Variants in PCCA observed in about 807,000 individuals in gnomAD.
PCCA encodes propionyl-CoA carboxylase subunit alpha.
In PCCA, 74 loss-of-function variants were observed where a neutral mutation model predicts 101.3. The observed-to-expected ratio is 0.73, with a 90% CI of 0.61 to 0.89. The LOEUF is 0.89. Among genes scored for constraint, PCCA ranks in the 40% least tolerant of loss-of-function variants. The probability of loss-of-function intolerance (pLI) is 0.00; values close to 1 mark genes in which losing one functional copy is unlikely to be tolerated. For synonymous variants in PCCA, 294 were observed against 313.6 expected, an observed-to-expected ratio of 0.94 and a Z score of 0.66; for missense variants, 891 against 907.0, an observed-to-expected ratio of 0.98 and a Z score of 0.23.
At chr13:100,489,303 G>A (rs1034122511) in intron 21 of PCCA, among the ~76,000 whole-genome samples, 4 of 148,120 alleles carry the variant, frequency 2.7e-5, no homozygotes, top group Non-Finnish European at 5.9e-5. Context: ...GCGAGACTCC[G>A]TCTCAAAAAA....
chr13:100,230,933 C>T (rs972017095), intron 7 of PCCA, among the ~76,000 whole-genome samples: 4 of 152,154 alleles, frequency 2.6e-5, no homozygotes, highest in African/African-American at 9.7e-5. Context: ...CATTTCCTTG[C>T]TCTGAGGCTA....
intron 9 of PCCA, among the ~76,000 whole-genome samples, chr13:100,258,620 G>A (rs938638095): frequency 6.6e-6 from 1 of 152,102 alleles, no homozygotes; most frequent in Admixed American, 6.6e-5. Flanking sequence ...GCTACTGTTA[G>A]TAACTTACTC....
chr13:100,330,018 G>A (rs182968733), intron 16 of PCCA, among the ~76,000 whole-genome samples: 106 of 152,240 alleles, frequency 7.0e-4, no homozygotes, highest in Non-Finnish European at 1.3e-3. Context: ...AATGAGTTGG[G>A]CTATGAAGTT....
rs1448005566 is a variant in PCCA, at chr13:100,111,967, A to G, written c.232-26A>G. ...CCCCTTTAAGTGTGAATCACTATTAATAGACATTAATATATTTTAAAATAG... is the reference window on the plus strand; with the variant it reads ...CCCCTTTAAGTGTGAATCACTATTAGTAGACATTAATATATTTTAAAATAG... On this transcript the variant is annotated intron_variant, in intron 3 of 23. Transcript: ENST00000376285. 2.5e-6 allele frequency: 4 copies of G among 1,578,512 alleles called. No homozygotes were observed. In the Admixed American group the frequency reaches 5.0e-5, roughly 20 times the overall value.
intron 17 of PCCA, among the ~76,000 whole-genome samples, chr13:100,333,667 T>C (rs1044724895): frequency 1.3e-5 from 2 of 152,216 alleles, no homozygotes; most frequent in African/African-American, 4.8e-5. Context: ...ATTTGGCCTA[T>C]AATGAACATT....
At chr13:100,262,887 C>T (rs2062626975) in intron 10 of PCCA, 56 bp downstream of exon 10, 4 of 768,934 alleles carry the variant, frequency 5.2e-6, no homozygotes, top group East Asian at 5.0e-5. Context: ...TCATTTAATC[C>T]TATTGGAATT....
chr13:100,135,496 T>C (rs1226054982), intron 4 of PCCA, among the ~76,000 whole-genome samples: 1 of 152,214 alleles, frequency 6.6e-6, no homozygotes, highest in African/African-American at 2.4e-5. Context: ...GTATGATTAA[T>C]GTTTGAATGT....
At chr13:100,361,367 C>A (rs2074569940) in intron 18 of PCCA, among the ~76,000 whole-genome samples, 1 of 151,922 alleles carries the variant, frequency 6.6e-6, no homozygotes. Flanking sequence ...TAGAGGAATT[C>A]ATGTGGGGGA....
intron 20 of PCCA, among the ~76,000 whole-genome samples, chr13:100,440,773 G>A (rs780114016): frequency 2.0e-5 from 3 of 151,670 alleles, no homozygotes; most frequent in Non-Finnish European, 4.4e-5. Context: ...AGGATATATA[G>A]GATATATAAA....
At chr13:100,218,474 G>A (rs567154785) in intron 7 of PCCA, among the ~76,000 whole-genome samples, 3 of 151,958 alleles carry the variant, frequency 2.0e-5, no homozygotes, top group African/African-American at 4.8e-5. Context: ...GTGCCACTGC[G>A]CCCAGCCATA....
At chr13:100,238,779 G>C (rs1013578146) in intron 8 of PCCA, among the ~76,000 whole-genome samples, 1 of 152,032 alleles carries the variant, frequency 6.6e-6, no homozygotes, top group Admixed American at 6.6e-5. Context: ...TTGATATTTC[G>C]TAAGTTTTTT....
intron 19 of PCCA, among the ~76,000 whole-genome samples, chr13:100,395,017 G>T (rs1416598521): frequency 6.6e-6 from 1 of 152,116 alleles, no homozygotes; most frequent in African/African-American, 2.4e-5. Flanking sequence ...ATGCTTGAGG[G>T]GGTTTGGGGC....
chr13:100,117,679 G>C (rs949377082), intron 4 of PCCA, among the ~76,000 whole-genome samples: 1 of 152,078 alleles, frequency 6.6e-6, no homozygotes, highest in Non-Finnish European at 1.5e-5. Flanking sequence ...TGTAAATGAC[G>C]AGTTGATGGG....
intron 18 of PCCA, among the ~76,000 whole-genome samples, chr13:100,366,694 CTT>C (rs1014198344): frequency 6.6e-6 from 1 of 152,122 alleles, no homozygotes; most frequent in African/African-American, 2.4e-5. Flanking sequence ...CATTCATACT[CTT>C]CTGTGTGAGG....
At chr13:100,416,348 A>G (rs2078361944) in intron 19 of PCCA, among the ~76,000 whole-genome samples, 1 of 151,286 alleles carries the variant, frequency 6.6e-6, no homozygotes, top group Non-Finnish European at 1.5e-5. Flanking sequence ...TGCCCATCTA[A>G]TTTTTATATT....
intron 18 of PCCA, among the ~76,000 whole-genome samples, chr13:100,342,713 CTTTT>C (rs3058594): frequency 4.7e-5 from 7 of 148,846 alleles, no homozygotes; most frequent in Non-Finnish European, 7.4e-5. Context: ...TTTTGGTAAA[CTTTT>C]TTTTTTTCTT....
chr13:100,216,845 A>T (rs2059549415), intron 7 of PCCA, among the ~76,000 whole-genome samples: 1 of 152,256 alleles, frequency 6.6e-6, no homozygotes, highest in African/African-American at 2.4e-5. Context: ...ATGGTGGCTC[A>T]TGCCTGTAAT....
intron 16 of PCCA, among the ~76,000 whole-genome samples, chr13:100,318,552 G>T (rs942207494): frequency 2.1e-5 from 3 of 142,010 alleles, no homozygotes; most frequent in Admixed American, 7.7e-5. Context: ...TCATTGTTCA[G>T]TTCCCACCTA....
intron 2 of PCCA, among the ~76,000 whole-genome samples, chr13:100,110,794 G>T (rs1175763938): frequency 6.6e-6 from 1 of 151,534 alleles, no homozygotes; most frequent in Non-Finnish European, 1.5e-5. Flanking sequence ...TGGCCAAAGT[G>T]TTTTTTTTGT....
Sources: gnomAD v4.1 joint callset for allele counts (sites outside exome capture counted in the v4.1 genomes callset) on GRCh38, gnomAD v4.1.1 for gene constraint, MANE v1.5 for transcripts, NCBI Gene and HGNC (gene_info 2026-07-23, HGNC 2026-07-21) for gene names.